Variants in PPP6R3 observed in about 807,000 individuals in gnomAD.
PPP6R3 encodes the protein serine/threonine-protein phosphatase 6 regulatory subunit 3.
PPP6R3 carries 38 observed loss-of-function variants against 110.7 expected under a neutral mutation model. The observed-to-expected ratio is 0.34, with a 90% CI of 0.26 to 0.45. The LOEUF is 0.45. PPP6R3 is among the 20% of genes least tolerant of loss of function. The pLI is 1.00. For missense variants in PPP6R3, 870 were observed against 1,062.4 expected (o/e 0.82, Z 2.52); for synonymous variants, 369 against 373.5 (o/e 0.99, Z 0.14).
intron 1 of PPP6R3, among the ~76,000 whole-genome samples, chr11:68,496,566 G>C (rs1005993896): frequency 6.6e-6 from 1 of 151,536 alleles, no homozygotes; most frequent in African/African-American, 2.4e-5. Flanking sequence ...TCTGCCACCT[G>C]GGTTCAAGCA....
chr11:68,557,387 A>G (rs887380470), intron 7 of PPP6R3, among the ~76,000 whole-genome samples: 3 of 152,258 alleles, frequency 2.0e-5, no homozygotes, highest in African/African-American at 7.2e-5. Flanking sequence ...GAGGTGATCA[A>G]GGAACTGGTG....
chr11:68,465,834 TGAGATTGCCA>T (rs1829347868), intron 1 of PPP6R3, among the ~76,000 whole-genome samples: 1 of 152,210 alleles, frequency 6.6e-6, no homozygotes. Flanking sequence ...TTTGGGTGGT[TGAGATTGCCA>T]GAAGTTTTGC....
Position 68,601,870 on chromosome 11 carries a change from G to A in PPP6R3, c.2200G>A (p.Asp734Asn). 2 of 1,612,278 alleles carry A rather than the reference G, an allele frequency of 1.2e-6. No homozygotes were observed. Among genetic ancestry groups the A allele is most frequent in the Non-Finnish European group, 1.7e-6 (2 of 1,178,872 alleles). ...SEFTSSLSTKDSLRSNSPVEM... is the reference protein window; with the variant it reads ...SEFTSSLSTKNSLRSNSPVEM... ...TTTTCTCTTTTTTGAAAGCACAAAA[G>A]ATTCTTTAAGGAGTAATTCTCCAGT... Residue 734 changes from aspartate (D) to asparagine (N), a missense_variant, in exon 21 of 24, where the codon GAT (aspartate) becomes AAT (asparagine). Physicochemically the swap from Asp to Asn is conservative, Grantham distance 23. Transcript: ENST00000393800.
rs556807754 is a variant in PPP6R3 at position 68,551,044 on chromosome 11, C to T, written c.553-77C>T. 6.4e-5 allele frequency: 64 copies of T among 999,220 alleles called. 1 individual carries two copies. The South Asian group carries it at 9.5e-4, about 15-fold the overall frequency. The allele number at this position is 999,220 out of a possible 1,614,324, so 61.9% of individuals were successfully genotyped here. ...TCTACTTAAAATGTGATGGATATTTCCAAGTATGTTAATCTACATTGGGGC... is the reference window on the plus strand; with the variant it reads ...TCTACTTAAAATGTGATGGATATTTTCAAGTATGTTAATCTACATTGGGGC... On this transcript the variant is annotated intron_variant, in intron 5 of 23. Coordinates refer to ENST00000393800, the MANE Select transcript of PPP6R3 (RefSeq NM_001164161.2).
In PPP6R3 at chr11:68,590,648, G is replaced by GT. The variant is rs544993767; in HGVS notation, c.1731-5dup. ...TTAATGCTTCCTACACTTTTATTTT[G>GT]TTTTTTTACAGTGTTTCTTTTGATC... On this transcript the variant is annotated splice_polypyrimidine_tract_variant and intron_variant, in intron 16 of 23. Transcript: ENST00000393800. 2.5e-3 allele frequency: 3,870 copies of GT among 1,538,910 alleles called. 52 individuals are homozygous for GT. Among genetic ancestry groups the GT allele is most frequent in the Middle Eastern group, 8.5e-3 (43 of 5,058 alleles).
chr11:68,560,894 C>CTTT lies in PPP6R3; in HGVS notation c.845+2233_845+2235dup, dbSNP rs11295490. Among the ~76,000 whole-genome samples, 336 of 117,872 alleles carry CTTT rather than the reference C, an allele frequency of 2.9e-3. 5 individuals carry two copies. Among genetic ancestry groups the CTTT allele is most frequent in the African/African-American group, 9.6e-3 (300 of 31,108 alleles). The allele number at this position is 117,872 out of a possible 152,430, so 77.3% of individuals were successfully genotyped here. A position where few individuals can be genotyped will look rare whatever the true frequency, so the allele number is the denominator to read the frequency against. ...TAAATCATCTCTGGTTTCCTTATACCTTTTTTTTTTTTTTTTTTTTAAGAC... is the reference window on the plus strand; with the variant it reads ...TAAATCATCTCTGGTTTCCTTATACCTTTTTTTTTTTTTTTTTTTTTTTAAGAC... On this transcript the variant is annotated intron_variant, in intron 8 of 23. Coordinates refer to ENST00000393800, the MANE Select transcript of PPP6R3 (RefSeq NM_001164161.2).
At chr11:68,489,579 T>TGTGTGTG (rs1565369441) in intron 1 of PPP6R3, among the ~76,000 whole-genome samples, 8 of 151,704 alleles carry the variant, frequency 5.3e-5, no homozygotes, top group South Asian at 2.1e-4. Flanking sequence ...TGTGTGTGTG[T>TGTGTGTG]TTTAATGAAC....
intron 10 of PPP6R3, 30 bp downstream of exon 10, chr11:68,567,196 A>C: frequency 6.6e-7 from 1 of 1,507,282 alleles, no homozygotes; most frequent in South Asian, 1.3e-5. Context: ...CAGACATTTT[A>C]ATTTGCCATT....
chr11:68,463,355 GAA>G (rs1156285158), intron 1 of PPP6R3, among the ~76,000 whole-genome samples: 20 of 54,620 alleles, frequency 3.7e-4, no homozygotes, highest in East Asian at 6.5e-4. Context: ...CTCAGTCTCA[GAA>G]AAAAAAAAAA....
At position 68,465,299 on chromosome 11, in the gene PPP6R3, C is replaced by T. The variant is rs2098738020; in HGVS notation, c.-158+4472C>T. 3.9e-5 allele frequency among the ~76,000 whole-genome samples: 6 copies of T among 152,214 alleles called. 1 individual carries two copies. The South Asian group carries it at 1.2e-3, about 32-fold the overall frequency. ...CATACAGTATGCTCAGCCTTTAACACAGTGATCCTGCCCACTGGTAAGTTG... is the reference window on the plus strand; with the variant it reads ...CATACAGTATGCTCAGCCTTTAACATAGTGATCCTGCCCACTGGTAAGTTG... On this transcript the variant is annotated intron_variant, in intron 1 of 23. Coordinates refer to ENST00000393800, the MANE Select transcript of PPP6R3 (RefSeq NM_001164161.2).
intron 1 of PPP6R3, among the ~76,000 whole-genome samples, chr11:68,514,549 G>A (rs903066746): frequency 6.6e-6 from 1 of 152,034 alleles, no homozygotes; most frequent in African/African-American, 2.4e-5. Flanking sequence ...GACCTATGAC[G>A]TATTCTCTCA....
chr11:68,571,955 C>T (rs2099509377), intron 12 of PPP6R3, among the ~76,000 whole-genome samples: 1 of 152,058 alleles, frequency 6.6e-6, no homozygotes, highest in Non-Finnish European at 1.5e-5. Context: ...TTATGTGTCT[C>T]TGTGTCTCCA....
chr11:68,600,384 C>T lies in PPP6R3; in HGVS notation c.2082C>T (p.Thr694=). The T allele has an allele frequency of 6.2e-7, 1 of 1,614,056 alleles. No homozygotes were observed. The highest frequency in any genetic ancestry group is 2.2e-5 in the East Asian group (1 of 44,880). ...ACTTTGATGTCCCAATGGAAACAAC[C>T]CACGGTGCTCCATTGGATTCTGTGG... is the stretch of plus-strand genomic sequence containing the variant. The part of the protein sequence containing the change: ...SANFDVPMET[T]HGAPLDSVGS... Residue 694 remains threonine, a synonymous_variant, in exon 20 of 24, where the codon ACC becomes ACT. Transcript: ENST00000393800.
chr11:68,564,435 AG>A lies in PPP6R3; in HGVS notation c.975+7del, dbSNP rs1228409741. 1.4e-5 allele frequency: 22 copies of A among 1,613,860 alleles called. No homozygotes were observed. The highest frequency in any genetic ancestry group is 2.2e-5 in the South Asian group (2 of 91,068). On this transcript the variant is annotated splice_donor_region_variant and intron_variant, in intron 9 of 23. Coordinates refer to ENST00000393800, the MANE Select transcript of PPP6R3 (RefSeq NM_001164161.2). The stretch of plus-strand genomic sequence containing the variant: ...AACTCCTGCTGGAGCCACCCAAGGT[AG>A]GGGAGCTATGTTAAGCATGGCTGCC...
At chr11:68,486,924 A>G (rs181750056) in intron 1 of PPP6R3, among the ~76,000 whole-genome samples, 1 of 152,204 alleles carries the variant, frequency 6.6e-6, no homozygotes, top group African/African-American at 2.4e-5. Context: ...TATCTGTAGT[A>G]ATGTCATTTT....
At chr11:68,519,137 T>A (rs962089478) in intron 1 of PPP6R3, among the ~76,000 whole-genome samples, 1 of 152,208 alleles carries the variant, frequency 6.6e-6, no homozygotes, top group African/African-American at 2.4e-5. Context: ...ATTTTAGTAT[T>A]TTTTAGTAAA....
intron 1 of PPP6R3, among the ~76,000 whole-genome samples, chr11:68,489,094 C>G (rs1014061988): frequency 6.6e-6 from 1 of 150,494 alleles, no homozygotes; most frequent in Non-Finnish European, 1.5e-5. Flanking sequence ...TCTCGGCTCA[C>G]TACAAGCTCT....
intron 1 of PPP6R3, among the ~76,000 whole-genome samples, chr11:68,468,253 C>T (rs909418939): frequency 2.0e-5 from 3 of 152,120 alleles, no homozygotes; most frequent in South Asian, 2.1e-4. Flanking sequence ...AAGTGGTTAA[C>T]GTCTGGAATT....
intron 4 of PPP6R3, 110 bp downstream of exon 4, chr11:68,545,134 A>G: frequency 1.3e-6 from 1 of 754,132 alleles, no homozygotes; most frequent in Non-Finnish European, 2.0e-6. Context: ...TTCAGGTTGT[A>G]TAAGAGAATG....
Sources: allele counts gnomAD v4.1 joint callset (sites outside exome capture counted in the v4.1 genomes callset), GRCh38; gene constraint gnomAD v4.1.1; transcripts MANE v1.5; gene names NCBI Gene and HGNC (gene_info 2026-07-23, HGNC 2026-07-21).